Variants in WWC2 observed in about 807,000 individuals in gnomAD.
The protein encoded by WWC2 is WW and C2 domain containing 2.
A neutral mutation model predicts 138.5 loss-of-function variants in WWC2; 101 were observed. The observed-to-expected ratio is 0.73, with a 90% confidence interval of 0.62 to 0.86. The LOEUF is 0.86. Ranked by LOEUF, WWC2 falls within the 40% of genes least tolerant of loss-of-function variation. The probability of loss-of-function intolerance (pLI) is 0.00; values close to 1 mark genes in which losing one functional copy is unlikely to be tolerated. For synonymous variants in WWC2, 558 were observed against 538.4 expected (o/e 1.04, Z -0.50); for missense variants, 1,420 against 1,419.4 (o/e 1.00, Z -0.01).
chr4:183,212,418 T>C (rs981336859), intron 4 of WWC2, among the ~76,000 whole-genome samples: 1 of 152,158 alleles, frequency 6.6e-6, no homozygotes, highest in African/African-American at 2.4e-5. Context: ...TGGTACTGTA[T>C]CTCTGTACCG....
chr4:183,165,558 G>A (rs906313198), intron 1 of WWC2, among the ~76,000 whole-genome samples: 1 of 152,116 alleles, frequency 6.6e-6, no homozygotes, highest in Non-Finnish European at 1.5e-5. Context: ...GGTGTGGAAG[G>A]GGGTGTGGGG....
At chr4:183,235,281 A>T (rs371918761) in intron 4 of WWC2, among the ~76,000 whole-genome samples, 2 of 152,198 alleles carry the variant, frequency 1.3e-5, no homozygotes, top group East Asian at 3.8e-4. Context: ...AATTTCACTC[A>T]TATCACCTAA....
At chr4:183,200,175 G>T (rs1462779145) in intron 2 of WWC2, among the ~76,000 whole-genome samples, 5 of 152,154 alleles carry the variant, frequency 3.3e-5, no homozygotes, top group Non-Finnish European at 7.3e-5. Flanking sequence ...ACCTATCCAA[G>T]ACAAATGCTG....
At chr4:183,118,940 T>C (rs1579955731) in intron 1 of WWC2, among the ~76,000 whole-genome samples, 1 of 152,150 alleles carries the variant, frequency 6.6e-6, no homozygotes, top group East Asian at 1.9e-4. Context: ...TGTAATCCTG[T>C]CTCTCATCCT....
At chr4:183,221,395 TA>T (rs1735932562) in intron 4 of WWC2, among the ~76,000 whole-genome samples, 1 of 152,214 alleles carries the variant, frequency 6.6e-6, no homozygotes, top group South Asian at 2.1e-4. Flanking sequence ...GTCGAAGATG[TA>T]AACAATAACA....
chr4:183,310,404 T>G (rs1739170717), intron 21 of WWC2, among the ~76,000 whole-genome samples: 1 of 152,184 alleles, frequency 6.6e-6, no homozygotes, highest in Non-Finnish European at 1.5e-5. Flanking sequence ...TGACGAAGGT[T>G]TAACCTGAGA....
chr4:183,184,640 G>T (rs542422471), intron 1 of WWC2, among the ~76,000 whole-genome samples: 2 of 152,236 alleles, frequency 1.3e-5, no homozygotes, highest in Non-Finnish European at 2.9e-5. Flanking sequence ...GTCAATACTC[G>T]TGTCTTTTGT....
At chr4:183,148,590 A>G (rs1178932904) in intron 1 of WWC2, among the ~76,000 whole-genome samples, 1 of 152,208 alleles carries the variant, frequency 6.6e-6, no homozygotes, top group Non-Finnish European at 1.5e-5. Flanking sequence ...TATAAATGAC[A>G]TAAATAGGCT....
intron 1 of WWC2, among the ~76,000 whole-genome samples, chr4:183,111,020 A>G (rs796739178): frequency 1.3e-5 from 2 of 152,134 alleles, no homozygotes; most frequent in African/African-American, 4.8e-5. Context: ...CGGGCGGATC[A>G]CGAGGTCAGG....
At chr4:183,220,796 T>A (rs1418138072) in intron 4 of WWC2, among the ~76,000 whole-genome samples, 4 of 148,768 alleles carry the variant, frequency 2.7e-5, no homozygotes, top group South Asian at 2.1e-4. Context: ...ATCGTGCCAC[T>A]GCACCCCAGC....
At chr4:183,250,383 A>G (rs1282045374) in intron 8 of WWC2, among the ~76,000 whole-genome samples, 4 of 152,192 alleles carry the variant, frequency 2.6e-5, no homozygotes, top group Non-Finnish European at 5.9e-5. Context: ...TCTAAGGCAA[A>G]TAAGTATTGA....
intron 4 of WWC2, among the ~76,000 whole-genome samples, chr4:183,220,776 G>A (rs1205713529): frequency 6.6e-6 from 1 of 151,710 alleles, no homozygotes; most frequent in Non-Finnish European, 1.5e-5. Context: ...GGAGCTTGCA[G>A]TGAGCCAACA....
At chr4:183,146,109 T>C (rs1046688600) in intron 1 of WWC2, among the ~76,000 whole-genome samples, 18 of 152,200 alleles carry the variant, frequency 1.2e-4, no homozygotes, top group African/African-American at 4.3e-4. Flanking sequence ...AGCTGACTTA[T>C]CTTTTGGAGG....
At chr4:183,137,856 G>A (rs751274717) in intron 1 of WWC2, among the ~76,000 whole-genome samples, 3 of 152,092 alleles carry the variant, frequency 2.0e-5, no homozygotes, top group African/African-American at 7.2e-5. Flanking sequence ...TTGACTTTTC[G>A]TTGTTACTGT....
intron 1 of WWC2, among the ~76,000 whole-genome samples, chr4:183,118,298 G>A (rs762508067): frequency 6.6e-6 from 1 of 152,190 alleles, no homozygotes; most frequent in Non-Finnish European, 1.5e-5. Flanking sequence ...TACTTATGCT[G>A]TGAAACTTAC....
In WWC2 at chr4:183,142,976, T is replaced by G. The variant is rs189350505; in HGVS notation, c.131+43354T>G. 2.6e-5 allele frequency among the ~76,000 whole-genome samples: 4 copies of G among 152,296 alleles called. No individual in the cohort carries two copies. The East Asian group carries it at 7.7e-4, about 29-fold the overall frequency. ...AAGCATGAGAAAATCCAATCTCCTGTCAGAAATGAACAGTGAAATTCATCA... is the reference window on the plus strand; with the variant it reads ...AAGCATGAGAAAATCCAATCTCCTGGCAGAAATGAACAGTGAAATTCATCA... On this transcript the variant is annotated intron_variant, in intron 1 of 22. Coordinates refer to ENST00000403733, the MANE Select transcript of WWC2 (RefSeq NM_024949.6).
intron 1 of WWC2, among the ~76,000 whole-genome samples, chr4:183,113,513 T>TGC (rs755776067): frequency 6.3e-4 from 71 of 112,188 alleles, no homozygotes; most frequent in South Asian, 2.4e-3. Context: ...TGTGTGTGTG[T>TGC]GTGCGCGCGC....
intron 4 of WWC2, among the ~76,000 whole-genome samples, chr4:183,232,094 G>A (rs183072983): frequency 7.3e-4 from 111 of 152,296 alleles, no homozygotes; most frequent in African/African-American, 2.6e-3. Flanking sequence ...TTGTGGATGC[G>A]CATCTGAAAT....
At chr4:183,195,251 C>A (rs918331160) in intron 2 of WWC2, among the ~76,000 whole-genome samples, 2 of 152,158 alleles carry the variant, frequency 1.3e-5, no homozygotes, top group Non-Finnish European at 2.9e-5. Flanking sequence ...CACTTTTATG[C>A]TTATTTTAGA....
Sources: allele counts gnomAD v4.1 joint callset (sites outside exome capture counted in the v4.1 genomes callset), GRCh38; gene constraint gnomAD v4.1.1; transcripts MANE v1.5; gene names NCBI Gene and HGNC (gene_info 2026-07-23, HGNC 2026-07-21).